Variants in NELL1 observed in about 807,000 individuals in gnomAD.
NELL1 encodes the protein neural EGFL like 1.
In NELL1, 76 loss-of-function variants were observed where a neutral mutation model predicts 107.4. The observed-to-expected ratio is 0.71, with a 90% CI of 0.59 to 0.86. The LOEUF (loss-of-function observed/expected upper bound fraction) is 0.86. NELL1 is among the 40% of genes least tolerant of loss of function. The pLI, the probability that NELL1 is intolerant of heterozygous loss-of-function variation, is 0.00. For synonymous variants in NELL1, 353 were observed against 341.2 expected (o/e 1.03, Z -0.38); for missense variants, 1,024 against 1,005.5 (o/e 1.02, Z -0.25).
intron 12 of NELL1, among the ~76,000 whole-genome samples, chr11:21,030,885 A>C (rs1852939910): frequency 6.6e-6 from 1 of 151,890 alleles, no homozygotes; most frequent in African/African-American, 2.4e-5. Flanking sequence ...TATCATTCTT[A>C]ATTTTAAAAA....
intron 3 of NELL1, among the ~76,000 whole-genome samples, chr11:20,793,277 G>A (rs1281436680): frequency 6.6e-6 from 1 of 151,836 alleles, no homozygotes; most frequent in Non-Finnish European, 1.5e-5. Flanking sequence ...CATTGATATT[G>A]GGATTTTTTT....
chr11:21,283,778 A>C (rs1436632640), intron 14 of NELL1: 1 of 186,418 alleles, frequency 5.4e-6, no homozygotes, highest in Non-Finnish European at 1.1e-5. Flanking sequence ...CAACTTCATG[A>C]TTTTGGTATT....
Position 20,721,730 on chromosome 11 carries a change from A to T in NELL1, c.184+43670A>T, listed in dbSNP as rs574746853. ...AATGTTTTTAGAAAAGTTCGGGGAG[A>T]TAGTAGACAGAGTTTAATGACTTGA... On this transcript the variant is annotated intron_variant, in intron 2 of 19. Transcript: ENST00000357134. Among the ~76,000 whole-genome samples the T allele has an allele frequency of 4.6e-5, 7 of 152,302 alleles. No individual in the cohort carries two copies. The South Asian group carries it at 1.5e-3, about 32-fold the overall frequency.
chr11:21,405,760 C>CT, intron 15 of NELL1, among the ~76,000 whole-genome samples: 1 of 152,100 alleles, frequency 6.6e-6, no homozygotes, highest in Non-Finnish European at 1.5e-5. Flanking sequence ...GACACATCAT[C>CT]TTTCCTCATC....
intron 15 of NELL1, among the ~76,000 whole-genome samples, chr11:21,378,271 A>G (rs944632378): frequency 4.1e-5 from 4 of 98,010 alleles, no homozygotes; most frequent in African/African-American, 1.6e-4. Context: ...ATATGTATAT[A>G]TATATATATA....
intron 14 of NELL1, among the ~76,000 whole-genome samples, chr11:21,266,260 AT>A (rs1214922413): frequency 2.6e-5 from 4 of 151,648 alleles, no homozygotes; most frequent in Non-Finnish European, 5.9e-5. Context: ...GTTTCATAGT[AT>A]TTTTTTCCCT....
At chr11:21,119,645 C>T (rs11025927) in intron 13 of NELL1, among the ~76,000 whole-genome samples, 21,722 of 151,948 alleles carry the variant, frequency 0.14, 1,624 homozygotes, top group Non-Finnish European at 0.17. Flanking sequence ...TTGGAATTTT[C>T]GTGTGGATTG....
chr11:20,739,063 G>T (rs59970358), intron 2 of NELL1, among the ~76,000 whole-genome samples: 3 of 152,276 alleles, frequency 2.0e-5, no homozygotes, highest in South Asian at 4.1e-4. Context: ...TAAAAATTCA[G>T]GTCCTTATTT....
rs377334287 is a variant in NELL1 at position 21,458,654 on chromosome 11, TA to T, written c.1646-75714del. Among the ~76,000 whole-genome samples the T allele has an allele frequency of 1.6e-4, 24 of 152,162 alleles. No individual in the cohort carries two copies. In the East Asian group the frequency reaches 4.6e-3, roughly 29 times the overall value. Reference sequence around the variant, plus strand: ...AGAGTGTAATCTAAATGTTGAAAACTAAAAAATAAAGATTTAAAGAAAAGAT... The same window carrying T: ...AGAGTGTAATCTAAATGTTGAAAACTAAAAATAAAGATTTAAAGAAAAGAT... On this transcript the variant is annotated intron_variant, in intron 15 of 19. Transcript: ENST00000357134.
At chr11:21,111,169 T>C (rs963468620) in intron 12 of NELL1, among the ~76,000 whole-genome samples, 8 of 152,070 alleles carry the variant, frequency 5.3e-5, no homozygotes, top group African/African-American at 1.9e-4. Context: ...GTCAAATTCC[T>C]CTTGTTGAAA....
At chr11:20,730,965 A>T (rs370196330) in intron 2 of NELL1, among the ~76,000 whole-genome samples, 2 of 152,308 alleles carry the variant, frequency 1.3e-5, no homozygotes, top group South Asian at 4.1e-4. Context: ...TAGGGGAAGG[A>T]TACATAGATC....
chr11:21,071,022 T>G (rs78873110), intron 12 of NELL1, among the ~76,000 whole-genome samples: 1,887 of 152,298 alleles, frequency 0.012, 37 homozygotes, highest in African/African-American at 0.043. Context: ...TTAGCCCTCC[T>G]ACTTCATATA....
chr11:21,244,424 A>G (rs1424050660), intron 14 of NELL1, among the ~76,000 whole-genome samples: 1 of 152,180 alleles, frequency 6.6e-6, no homozygotes, highest in Non-Finnish European at 1.5e-5. Flanking sequence ...ATTTTCTGAC[A>G]TGCTTAAGCA....
chr11:21,258,318 A>G (rs74872455), intron 14 of NELL1, among the ~76,000 whole-genome samples: 2,944 of 152,136 alleles, frequency 0.019, 105 homozygotes, highest in African/African-American at 0.067. Context: ...ACAGACCTCA[A>G]TTGAAATTCT....
intron 12 of NELL1, among the ~76,000 whole-genome samples, chr11:21,100,445 C>T (rs904096319): frequency 6.6e-6 from 1 of 152,170 alleles, no homozygotes; most frequent in Non-Finnish European, 1.5e-5. Flanking sequence ...CATTAAGCAT[C>T]GACTGTCCAA....
intron 15 of NELL1, among the ~76,000 whole-genome samples, chr11:21,443,845 G>A (rs796154133): frequency 4.0e-5 from 6 of 148,212 alleles, no homozygotes; most frequent in African/African-American, 1.0e-4. Context: ...GAGACAGAGC[G>A]AGACTCTGTC....
At chr11:21,141,983 C>T (rs1017671764) in intron 13 of NELL1, among the ~76,000 whole-genome samples, 1 of 152,018 alleles carries the variant, frequency 6.6e-6, no homozygotes, top group African/African-American at 2.4e-5. Flanking sequence ...AGGCTGGTCT[C>T]GAACTCCTGA....
intron 1 of NELL1, chr11:20,674,438 G>A (rs922755580): frequency 2.3e-4 from 325 of 1,393,894 alleles, no homozygotes; most frequent in South Asian, 2.7e-4. Context: ...GGTGTAACAG[G>A]TACCAGTATC....
chr11:21,034,424 C>T (rs1853037377), intron 12 of NELL1, among the ~76,000 whole-genome samples: 1 of 152,086 alleles, frequency 6.6e-6, no homozygotes, highest in Non-Finnish European at 1.5e-5. Context: ...GAACTCTCTA[C>T]CCAAAAATAA....
Sources: gnomAD v4.1 joint callset for allele counts (sites outside exome capture counted in the v4.1 genomes callset) on GRCh38, gnomAD v4.1.1 for gene constraint, MANE v1.5 for transcripts, NCBI Gene and HGNC (gene_info 2026-07-23, HGNC 2026-07-21) for gene names.